The following SLIT1 variants were observed in gnomAD, a reference collection of about 807,000 sequenced individuals.
SLIT1 encodes the protein slit homolog 1 protein.
In SLIT1, 66 loss-of-function variants were observed where a neutral mutation model predicts 186.1. The observed-to-expected ratio is 0.35, with a 90% CI of 0.29 to 0.44. The LOEUF (loss-of-function observed/expected upper bound fraction) is 0.44. SLIT1 is among the 20% of genes least tolerant of loss of function. The probability of loss-of-function intolerance (pLI) is 1.00; values close to 1 mark genes in which losing one functional copy is unlikely to be tolerated. For synonymous variants in SLIT1, 761 were observed against 833.8 expected (o/e 0.91, Z 1.50); for missense variants, 1,638 against 2,037.4 (o/e 0.80, Z 3.77).
chr10:97,182,256 G>A (rs7918839), intron 1 of SLIT1, among the ~76,000 whole-genome samples: 21,681 of 152,138 alleles, frequency 0.14, 1,798 homozygotes, highest in East Asian at 0.24. Context: ...CGGGGGACAG[G>A]CCTGGACCCA....
At position 97,046,660 on chromosome 10, in the gene SLIT1, C is replaced by A; in HGVS notation, c.1847G>T (p.Arg616Met). The A allele has an allele frequency of 6.2e-7, 1 of 1,607,368 alleles. No homozygotes were observed. Residue 616 changes from arginine (R) to methionine (M), a missense_variant, in exon 18 of 37, where the codon AGG becomes ATG. Around this residue, in one of 3 missense-constraint regions of SLIT1, gnomAD observed 1,245 missense variants for 1,535.3 expected, o/e 0.81. Transcript: ENST00000266058. ...SGMFRGLDGLRTLMLRNNRIS... is the reference protein window; with the variant it reads ...SGMFRGLDGLMTLMLRNNRIS... Reference sequence around the variant, plus strand: ...CCCAGCCCTGCACACTCACAGGGTCCTCAAGCCATCCAGACCCCGGAACAT... The same window carrying A: ...CCCAGCCCTGCACACTCACAGGGTCATCAAGCCATCCAGACCCCGGAACAT...
chr10:97,012,295 T>A (rs940619288), intron 30 of SLIT1, among the ~76,000 whole-genome samples: 2 of 152,186 alleles, frequency 1.3e-5, no homozygotes, highest in African/African-American at 4.8e-5. Flanking sequence ...AGTCTACTAA[T>A]GAGTCTGGAG....
chr10:97,121,737 G>T (rs1018153919), intron 4 of SLIT1, among the ~76,000 whole-genome samples: 5 of 152,054 alleles, frequency 3.3e-5, no homozygotes, highest in African/African-American at 1.2e-4. Flanking sequence ...CCTCTCAGAC[G>T]TGTAGTTCTT....
chr10:97,018,863 T>G (rs1848478173), intron 27 of SLIT1, 120 bp downstream of exon 27: 2 of 663,042 alleles, frequency 3.0e-6, no homozygotes, highest in Non-Finnish European at 5.4e-6. Context: ...ATATGTTAAG[T>G]CATTAATTAC....
chr10:97,151,152 T>TA (rs1280263788), intron 4 of SLIT1, among the ~76,000 whole-genome samples: 1 of 152,124 alleles, frequency 6.6e-6, no homozygotes, highest in African/African-American at 2.4e-5. Context: ...TCATCCATCT[T>TA]ACCTAGACAT....
chr10:97,115,012 G>A (rs543889255), intron 4 of SLIT1, among the ~76,000 whole-genome samples: 1 of 152,240 alleles, frequency 6.6e-6, no homozygotes, highest in Non-Finnish European at 1.5e-5. Flanking sequence ...TCTGCTGTCT[G>A]TCTTGTTCAC....
chr10:97,163,916 G>A (rs1001091823), intron 2 of SLIT1, among the ~76,000 whole-genome samples: 1 of 152,230 alleles, frequency 6.6e-6, no homozygotes, highest in Admixed American at 6.5e-5. Flanking sequence ...AGTATCAGGG[G>A]GAGGGGAGCC....
At chr10:97,078,827 G>A (rs753637619) in intron 4 of SLIT1, among the ~76,000 whole-genome samples, 28 of 152,230 alleles carry the variant, frequency 1.8e-4, no homozygotes, top group Non-Finnish European at 4.0e-4. Context: ...TGCTGGGCGC[G>A]GAGACCTTGG....
intron 22 of SLIT1, among the ~76,000 whole-genome samples, chr10:97,035,962 C>G (rs1392862739): frequency 6.6e-6 from 1 of 152,134 alleles, no homozygotes; most frequent in Admixed American, 6.5e-5. Context: ...GAGCCACAGC[C>G]CTAATCAGCA....
intron 11 of SLIT1, among the ~76,000 whole-genome samples, chr10:97,058,751 C>T (rs908677465): frequency 2.6e-5 from 4 of 152,206 alleles, no homozygotes; most frequent in South Asian, 2.1e-4. Flanking sequence ...GGTGAAAACA[C>T]TCATCCCCTA....
intron 1 of SLIT1, among the ~76,000 whole-genome samples, chr10:97,179,794 A>ACCC (rs1403613281): frequency 4.7e-5 from 5 of 106,734 alleles, no homozygotes; most frequent in African/African-American, 1.5e-4. Context: ...CCAATTCTCC[A>ACCC]CACCCTCCCC....
chr10:97,076,905 G>GCC (rs1849051119), intron 4 of SLIT1, among the ~76,000 whole-genome samples: 2 of 152,232 alleles, frequency 1.3e-5, no homozygotes, highest in South Asian at 4.1e-4. Flanking sequence ...AGTGAAGGGG[G>GCC]AGTGGGTCCC....
intron 4 of SLIT1, among the ~76,000 whole-genome samples, chr10:97,134,088 C>T (rs1040035338): frequency 6.6e-6 from 1 of 152,174 alleles, no homozygotes; most frequent in Non-Finnish European, 1.5e-5. Context: ...CAGCCCTGAA[C>T]CTCGGTCAGA....
chr10:97,061,888 C>T (rs73320660), intron 8 of SLIT1, among the ~76,000 whole-genome samples: 2,408 of 152,204 alleles, frequency 0.016, 77 homozygotes, highest in African/African-American at 0.055. Context: ...ATTCTAACTT[C>T]GAATATTTTC....
intron 26 of SLIT1, among the ~76,000 whole-genome samples, chr10:97,020,484 C>G (rs1049091210): frequency 5.3e-5 from 8 of 152,270 alleles, no homozygotes; most frequent in Non-Finnish European, 1.0e-4. Flanking sequence ...TTGACTTGCT[C>G]CCAACAGCCA....
intron 25 of SLIT1, among the ~76,000 whole-genome samples, chr10:97,023,318 A>C (rs745821569): frequency 3.3e-5 from 5 of 150,146 alleles, no homozygotes; most frequent in Non-Finnish European, 5.9e-5. Flanking sequence ...CGTCCACCTC[A>C]GCCTCCAAAA....
chr10:97,048,812 C>A, intron 14 of SLIT1, 143 bp downstream of exon 14: 1 of 763,902 alleles, frequency 1.3e-6, no homozygotes, highest in Non-Finnish European at 2.2e-6. Context: ...GGCAGGTATG[C>A]AGGTGGACAG....
intron 4 of SLIT1, among the ~76,000 whole-genome samples, chr10:97,110,396 C>A (rs766452978): frequency 2.6e-5 from 4 of 152,200 alleles, no homozygotes; most frequent in Non-Finnish European, 4.4e-5. Flanking sequence ...GCATTATTTG[C>A]ACGGAAAAAC....
chr10:97,160,940 C>T (rs1204367446), intron 3 of SLIT1, among the ~76,000 whole-genome samples: 2 of 152,116 alleles, frequency 1.3e-5, no homozygotes, highest in Non-Finnish European at 2.9e-5. Context: ...AGGCTGGTCT[C>T]GAACTCCTGA....
Sources: gnomAD v4.1 joint callset for allele counts (sites outside exome capture counted in the v4.1 genomes callset) on GRCh38, gnomAD v4.1.1 for gene constraint, gnomAD v4.1.1 regional missense constraint, MANE v1.5 for transcripts, NCBI Gene and HGNC (gene_info 2026-07-23, HGNC 2026-07-21) for gene names.